Variants in KCNJ3 observed in about 807,000 individuals in gnomAD.
KCNJ3 encodes G protein-activated inward rectifier potassium channel 1.
A neutral mutation model predicts 39.2 loss-of-function variants in KCNJ3; 4 were observed. The ratio of observed to expected loss-of-function variants is 0.10; its 90% CI spans 0.05 to 0.23. The LOEUF (loss-of-function observed/expected upper bound fraction) is 0.23. Among genes scored for constraint, KCNJ3 ranks in the 10% least tolerant of loss-of-function variants. The pLI is 1.00. For missense variants in KCNJ3, 276 were observed against 634.9 expected (o/e 0.43, Z 6.08); for synonymous variants, 230 against 237.4 (o/e 0.97, Z 0.29).
rs866530684 is a variant in KCNJ3 at position 154,837,625 on chromosome 2, T to C, written c.920-17102T>C. ...CTTCCTCTTTCTCCATTCCTTCTGC[T>C]GTCTCTCCTGTGGAATGCATTAATC... On this transcript the variant is annotated intron_variant, in intron 2 of 2. Transcript: ENST00000295101. 3.3e-5 allele frequency among the ~76,000 whole-genome samples: 5 copies of C among 152,328 alleles called. No homozygotes were observed. In the Middle Eastern group the frequency reaches 0.014, roughly 414 times the overall value.
intron 2 of KCNJ3, among the ~76,000 whole-genome samples, chr2:154,781,699 G>GA (rs1187113446): frequency 2.0e-5 from 3 of 151,366 alleles, no homozygotes; most frequent in South Asian, 4.2e-4. Flanking sequence ...ATCTTAAATT[G>GA]AAAAAAAAGT....
intron 2 of KCNJ3, among the ~76,000 whole-genome samples, chr2:154,734,049 G>A (rs1035313555): frequency 6.6e-6 from 1 of 152,110 alleles, no homozygotes; most frequent in African/African-American, 2.4e-5. Flanking sequence ...TATTTCTAAG[G>A]CCTTTTTCAG....
chr2:154,765,687 T>C (rs1686121770), intron 2 of KCNJ3, among the ~76,000 whole-genome samples: 1 of 152,214 alleles, frequency 6.6e-6, no homozygotes, highest in Non-Finnish European at 1.5e-5. Context: ...GTTCCTTAAC[T>C]GGGTGCCACA....
chr2:154,755,496 A>G (rs983777326), intron 2 of KCNJ3, among the ~76,000 whole-genome samples: 1 of 151,246 alleles, frequency 6.6e-6, no homozygotes, highest in African/African-American at 2.4e-5. Flanking sequence ...GCATGCCATA[A>G]AAAAGGTTAA....
rs116745035 is a variant in KCNJ3, at chr2:154,792,084, G to A, written c.920-62643G>A. Among the ~76,000 whole-genome samples the A allele has an allele frequency of 5.8e-3, 876 of 152,118 alleles. 9 individuals are homozygous for A. The highest frequency in any genetic ancestry group is 0.02 in the African/African-American group (816 of 41,540). Reference sequence around the variant, plus strand: ...ATCTGTTGGAAAGCAGTCCACTGCCGTCATCTTGTGCTCCTACTTGTCTTC... The same window carrying A: ...ATCTGTTGGAAAGCAGTCCACTGCCATCATCTTGTGCTCCTACTTGTCTTC... On this transcript the variant is annotated intron_variant, in intron 2 of 2. Transcript: ENST00000295101.
chr2:154,719,863 T>G (rs547798711), intron 2 of KCNJ3, among the ~76,000 whole-genome samples: 12 of 152,014 alleles, frequency 7.9e-5, no homozygotes, highest in Non-Finnish European at 1.3e-4. Context: ...CCAGACAGAG[T>G]GAGTCTCTCT....
intron 2 of KCNJ3, among the ~76,000 whole-genome samples, chr2:154,792,253 C>T (rs935463205): frequency 2.0e-5 from 3 of 151,996 alleles, no homozygotes; most frequent in Non-Finnish European, 4.4e-5. Context: ...CTTGGTCTCC[C>T]CATGAGTAGA....
chr2:154,709,889 T>C, intron 2 of KCNJ3, 70 bp downstream of exon 2: 1 of 1,529,926 alleles, frequency 6.5e-7, no homozygotes, highest in East Asian at 2.3e-5. Flanking sequence ...GCACAATACC[T>C]GTCATGAATT....
Position 154,726,025 on chromosome 2 carries a change from A to G in KCNJ3, c.919+16206A>G, listed in dbSNP as rs1685352104. On this transcript the variant is annotated intron_variant, in intron 2 of 2. Transcript: ENST00000295101. ...AAAAATTCTAGAAGATAACATTAGA[A>G]AACACCTTCTAGACATTGCCTTAGG... is the stretch of plus-strand genomic sequence containing the variant. Among the ~76,000 whole-genome samples, 6 of 152,286 alleles carry G rather than the reference A, an allele frequency of 3.9e-5. No homozygotes were observed. In the South Asian group the frequency reaches 1.0e-3, roughly 26 times the overall value.
intron 2 of KCNJ3, among the ~76,000 whole-genome samples, chr2:154,771,824 C>T (rs1352692499): frequency 6.6e-6 from 1 of 152,154 alleles, no homozygotes; most frequent in African/African-American, 2.4e-5. Context: ...TTGTACTCCT[C>T]TAACCTCAAG....
chr2:154,715,902 C>T (rs1379686874), intron 2 of KCNJ3, among the ~76,000 whole-genome samples: 4 of 152,024 alleles, frequency 2.6e-5, no homozygotes, highest in Non-Finnish European at 4.4e-5. Flanking sequence ...AGGTTAAATA[C>T]TATTATAGGC....
intron 2 of KCNJ3, among the ~76,000 whole-genome samples, chr2:154,768,656 TC>T (rs1686178313): frequency 6.6e-6 from 1 of 152,178 alleles, no homozygotes; most frequent in South Asian, 2.1e-4. Context: ...CTTAGGATTG[TC>T]TTGGCAATGC....
intron 2 of KCNJ3, among the ~76,000 whole-genome samples, chr2:154,817,238 A>C (rs754082045): frequency 5.9e-5 from 9 of 152,200 alleles, no homozygotes; most frequent in Non-Finnish European, 8.8e-5. Context: ...AAGCAGTCTC[A>C]AATCACTTTA....
intron 1 of KCNJ3, among the ~76,000 whole-genome samples, chr2:154,706,182 T>C (rs1411686664): frequency 1.2e-4 from 19 of 152,134 alleles, no homozygotes; most frequent in Non-Finnish European, 2.5e-4. Context: ...CAATTATTGT[T>C]GATCTAGACC....
chr2:154,727,516 CA>C (rs1685379348), intron 2 of KCNJ3, among the ~76,000 whole-genome samples: 1 of 144,018 alleles, frequency 6.9e-6, no homozygotes, highest in South Asian at 2.2e-4. Flanking sequence ...CACTTGAACC[CA>C]GGGGGCGGAG....
intron 2 of KCNJ3, among the ~76,000 whole-genome samples, chr2:154,808,347 C>G (rs1298040096): frequency 6.6e-6 from 1 of 151,970 alleles, no homozygotes; most frequent in African/African-American, 2.4e-5. Context: ...TCTCAAAGTG[C>G]TGGGATTACA....
At chr2:154,837,520 TG>T (rs1281612839) in intron 2 of KCNJ3, among the ~76,000 whole-genome samples, 1 of 152,164 alleles carries the variant, frequency 6.6e-6, no homozygotes, top group African/African-American at 2.4e-5. Flanking sequence ...TGAAGTAGAT[TG>T]GTATAGTAAT....
intron 2 of KCNJ3, among the ~76,000 whole-genome samples, chr2:154,713,764 C>A (rs1163741847): frequency 6.6e-6 from 1 of 152,230 alleles, no homozygotes; most frequent in Non-Finnish European, 1.5e-5. Context: ...AGAGAGAGCA[C>A]TGCTAGAGGC....
intron 2 of KCNJ3, among the ~76,000 whole-genome samples, chr2:154,782,149 A>G (rs775923525): frequency 1.8e-4 from 27 of 152,188 alleles, no homozygotes; most frequent in Non-Finnish European, 1.8e-4. Flanking sequence ...TGAGTGAGAT[A>G]GTTTAAAGAA....
Sources: gnomAD v4.1 joint callset for allele counts (sites outside exome capture counted in the v4.1 genomes callset) on GRCh38, gnomAD v4.1.1 for gene constraint, MANE v1.5 for transcripts, NCBI Gene and HGNC (gene_info 2026-07-23, HGNC 2026-07-21) for gene names.